GRIN2A: variants seen among roughly 807,000 people sequenced by gnomAD.
The protein encoded by GRIN2A is glutamate receptor ionotropic, NMDA 2A.
Under a neutral mutation model 113.4 loss-of-function variants are expected in GRIN2A, and 22 were observed. The observed-to-expected ratio is 0.19, with a 90% confidence interval of 0.14 to 0.28. The LOEUF is 0.28. Ranked by LOEUF, GRIN2A falls within the 10% of genes least tolerant of loss-of-function variation. The probability of loss-of-function intolerance (pLI) is 1.00; values close to 1 mark genes in which losing one functional copy is unlikely to be tolerated. For missense variants in GRIN2A, 1,502 were observed against 1,887.0 expected (o/e 0.80, Z 3.78); for synonymous variants, 827 against 738.4 (o/e 1.12, Z -1.94).
In GRIN2A at chr16:9,755,413, T is replaced by A. The variant is rs547530238; in HGVS notation, c.*7736A>T. The A allele has an allele frequency of 2.4e-4, 44 of 184,514 alleles. No homozygotes were observed. The South Asian group carries it at 7.9e-3, about 33-fold the overall frequency. The allele number at this position is 184,514 out of a possible 1,614,324, so 11.4% of individuals were successfully genotyped here. ...AACAACAGGATCTCCAAATAACAAATAATAATCTTTCTGTCTTAAAAGGCT... is the reference window on the plus strand; with the variant it reads ...AACAACAGGATCTCCAAATAACAAAAAATAATCTTTCTGTCTTAAAAGGCT... On this transcript the variant is annotated 3_prime_UTR_variant, in exon 13 of 13. Coordinates refer to ENST00000330684, the MANE Select transcript of GRIN2A (RefSeq NM_001134407.3).
chr16:9,832,945 A>T (rs1238430134), intron 8 of GRIN2A, among the ~76,000 whole-genome samples: 2 of 152,226 alleles, frequency 1.3e-5, no homozygotes, highest in East Asian at 1.9e-4. Context: ...TGACCTGTTG[A>T]GTATTTCCAA....
At chr16:9,888,482 T>TG (rs2043629510) in intron 4 of GRIN2A, among the ~76,000 whole-genome samples, 2 of 152,004 alleles carry the variant, frequency 1.3e-5, no homozygotes, top group African/African-American at 4.8e-5. Context: ...AAGGTTTTTT[T>TG]TTTCCATGTA....
At chr16:9,971,420 T>C (rs1343149538) in intron 2 of GRIN2A, among the ~76,000 whole-genome samples, 1 of 152,212 alleles carries the variant, frequency 6.6e-6, no homozygotes, top group African/African-American at 2.4e-5. Context: ...AGCCATCTCA[T>C]ACATTTCAGC....
chr16:10,038,700 T>G (rs1466543190), intron 2 of GRIN2A, among the ~76,000 whole-genome samples: 2 of 148,324 alleles, frequency 1.3e-5, no homozygotes, highest in African/African-American at 5.1e-5. Context: ...CAAAAAAAAT[T>G]ACCCGGGCAT....
chr16:9,807,355 A>AGGGAGGGAGAGG (rs1475923061), intron 10 of GRIN2A, among the ~76,000 whole-genome samples: 2 of 14,454 alleles, frequency 1.4e-4, no homozygotes, highest in African/African-American at 8.8e-4. Flanking sequence ...GGAGGGGGAG[A>AGGGAGGGAGAGG]GGGAGGGAGA....
chr16:10,105,450 T>A (rs1458655482), intron 2 of GRIN2A, among the ~76,000 whole-genome samples: 1 of 151,454 alleles, frequency 6.6e-6, no homozygotes, highest in Non-Finnish European at 1.5e-5. Flanking sequence ...ACCCAATGTT[T>A]AATAGAGAAA....
chr16:9,988,895 G>A (rs987515275), intron 2 of GRIN2A, among the ~76,000 whole-genome samples: 3 of 152,054 alleles, frequency 2.0e-5, no homozygotes, highest in Non-Finnish European at 4.4e-5. Flanking sequence ...ACAGGAGGAG[G>A]GTCCTACAAC....
intron 2 of GRIN2A, among the ~76,000 whole-genome samples, chr16:9,987,471 A>G (rs2046001979): frequency 6.6e-6 from 1 of 152,236 alleles, no homozygotes; most frequent in South Asian, 2.1e-4. Context: ...GCTACCTGAT[A>G]ACATCCAGTT....
chr16:10,072,285 T>A (rs1265905709), intron 2 of GRIN2A, among the ~76,000 whole-genome samples: 4 of 152,194 alleles, frequency 2.6e-5, no homozygotes, highest in Non-Finnish European at 5.9e-5. Context: ...ATTTGCAGCA[T>A]GAGAATAAAC....
intron 3 of GRIN2A, among the ~76,000 whole-genome samples, chr16:9,920,566 A>ATTT (rs34857622): frequency 2.8e-5 from 4 of 144,430 alleles, no homozygotes; most frequent in Non-Finnish European, 4.5e-5. Flanking sequence ...TGTGAATTGA[A>ATTT]TTTTTTTTTT....
At chr16:9,804,413 A>AG (rs1377490941) in intron 10 of GRIN2A, among the ~76,000 whole-genome samples, 1 of 151,880 alleles carries the variant, frequency 6.6e-6, no homozygotes, top group Non-Finnish European at 1.5e-5. Flanking sequence ...AAGGGAACCC[A>AG]TTTACTCTTC....
At chr16:9,949,360 AGATG>A (rs1327354635) in intron 2 of GRIN2A, among the ~76,000 whole-genome samples, 3 of 151,912 alleles carry the variant, frequency 2.0e-5, no homozygotes, top group Non-Finnish European at 4.4e-5. Context: ...TTGGATGGAT[AGATG>A]GATGAATGGA....
intron 10 of GRIN2A, among the ~76,000 whole-genome samples, chr16:9,809,889 G>A (rs1378790144): frequency 2.0e-5 from 3 of 152,162 alleles, no homozygotes; most frequent in African/African-American, 7.2e-5. Context: ...CCAAGATGGT[G>A]AAGCCCCATC....
intron 9 of GRIN2A, among the ~76,000 whole-genome samples, chr16:9,828,569 G>T (rs1012871332): frequency 1.3e-5 from 2 of 152,216 alleles, no homozygotes; most frequent in East Asian, 3.9e-4. Flanking sequence ...TCTTTGTGGT[G>T]CTGCAATCTC....
At chr16:9,892,948 A>G (rs1271755559) in intron 3 of GRIN2A, among the ~76,000 whole-genome samples, 24 of 146,492 alleles carry the variant, frequency 1.6e-4, no homozygotes, top group Middle Eastern at 3.4e-3. Context: ...AAAAAAAAAA[A>G]AAGAAGAAGA....
intron 2 of GRIN2A, among the ~76,000 whole-genome samples, chr16:10,040,090 CAA>C (rs1182299427): frequency 1.3e-5 from 1 of 78,606 alleles, no homozygotes; most frequent in Non-Finnish European, 2.6e-5. Context: ...ACCACACACA[CAA>C]ATACACTACA....
At chr16:10,157,642 A>G (rs901307149) in intron 2 of GRIN2A, among the ~76,000 whole-genome samples, 1 of 152,014 alleles carries the variant, frequency 6.6e-6, no homozygotes, top group African/African-American at 2.4e-5. Flanking sequence ...CATCTATAAA[A>G]CTATCAGATC....
chr16:9,977,693 CTCA>C (rs2141762097), intron 2 of GRIN2A, among the ~76,000 whole-genome samples: 1 of 152,198 alleles, frequency 6.6e-6, no homozygotes, highest in African/African-American at 2.4e-5. Flanking sequence ...CACTCTCCTC[CTCA>C]TATCCCATAT....
At chr16:9,937,697 T>C (rs2044744244) in intron 3 of GRIN2A, 1 of 501,564 alleles carries the variant, frequency 2.0e-6, no homozygotes, top group South Asian at 2.1e-5. Flanking sequence ...GACAGACAGA[T>C]CGATCAATCC....
Sources: gnomAD v4.1 joint callset for allele counts (sites outside exome capture counted in the v4.1 genomes callset) on GRCh38, gnomAD v4.1.1 for gene constraint, MANE v1.5 for transcripts, NCBI Gene and HGNC (gene_info 2026-07-23, HGNC 2026-07-21) for gene names.